Variants in PLA2R1 observed in about 807,000 individuals in gnomAD.
PLA2R1 encodes the protein secretory phospholipase A2 receptor.
In PLA2R1, 158 loss-of-function variants were observed where a neutral mutation model predicts 195.9. The ratio of observed to expected loss-of-function variants is 0.81; its 90% CI spans 0.71 to 0.92. The LOEUF is 0.92. Among genes scored for constraint, PLA2R1 ranks in the 40% least tolerant of loss-of-function variants. PLA2R1 has a pLI of 0.00. For missense variants in PLA2R1, 1,626 were observed against 1,764.6 expected, an observed-to-expected ratio of 0.92 and a Z score of 1.41; for synonymous variants, 586 against 598.2, an observed-to-expected ratio of 0.98 and a Z score of 0.30.
chr2:159,976,047 T>A (rs530796397), intron 17 of PLA2R1, 21 bp downstream of exon 17: 1 of 1,578,754 alleles, frequency 6.3e-7, no homozygotes, highest in South Asian at 1.1e-5. Context: ...GAATTTTTCG[T>A]GGTGAGTTAT....
chr2:160,008,135 C>T (rs1019813847), intron 10 of PLA2R1, among the ~76,000 whole-genome samples: 5 of 152,128 alleles, frequency 3.3e-5, no homozygotes, highest in African/African-American at 1.2e-4. Flanking sequence ...GATCCTGTCA[C>T]TACAAAACAT....
rs190045609 is a variant in PLA2R1 at position 159,976,751 on chromosome 2, A to T, written c.2402-31T>A. 66 of 1,589,740 alleles carry T rather than the reference A, an allele frequency of 4.2e-5. No homozygotes were observed. In the African/African-American group the frequency reaches 8.6e-4, roughly 21 times the overall value. On this transcript the variant is annotated intron_variant, in intron 15 of 29. Coordinates refer to ENST00000283243, the MANE Select transcript of PLA2R1 (RefSeq NM_007366.5). Reference sequence around the variant, plus strand: ...AAGTGAAAGCAAATCACTTTGACTGATCTTGCTTCTCAAGTGCATTGTCTG... The same window carrying T: ...AAGTGAAAGCAAATCACTTTGACTGTTCTTGCTTCTCAAGTGCATTGTCTG...
chr2:159,931,406 T>G (rs1333567830), downstream of PLA2R1, among the ~76,000 whole-genome samples: 1 of 152,154 alleles, frequency 6.6e-6, no homozygotes. Flanking sequence ...TGGTGGTATG[T>G]GCCTGCGGGC....
chr2:160,041,624 T>C (rs1321332905), intron 3 of PLA2R1, among the ~76,000 whole-genome samples: 2 of 151,962 alleles, frequency 1.3e-5, no homozygotes, highest in Non-Finnish European at 2.9e-5. Context: ...AGCAGCAGCC[T>C]GGATGTGGAG....
intron 11 of PLA2R1, among the ~76,000 whole-genome samples, chr2:159,993,199 T>C (rs1690952779): frequency 6.6e-6 from 1 of 152,108 alleles, no homozygotes; most frequent in South Asian, 2.1e-4. Flanking sequence ...TTCCATTTAA[T>C]CAGTGGCAAT....
intron 13 of PLA2R1, among the ~76,000 whole-genome samples, chr2:159,983,103 T>C (rs1451185108): frequency 1.3e-5 from 2 of 152,086 alleles, no homozygotes; most frequent in South Asian, 2.1e-4. Context: ...TATTTGAAAA[T>C]AGAGTAGATT....
intron 18 of PLA2R1, among the ~76,000 whole-genome samples, chr2:159,969,874 T>A (rs1313568211): frequency 6.6e-6 from 1 of 152,040 alleles, no homozygotes; most frequent in Non-Finnish European, 1.5e-5. Flanking sequence ...AGAGTTCTCA[T>A]CACAAAAATG....
intron 23 of PLA2R1, among the ~76,000 whole-genome samples, chr2:159,953,676 T>C (rs76675920): frequency 7.3e-5 from 11 of 151,340 alleles, no homozygotes; most frequent in African/African-American, 2.4e-4. Context: ...ACCACTATTC[T>C]GTACTATCTC....
Position 159,956,543 on chromosome 2 carries a change from TC to T in PLA2R1, c.2988del (p.Thr997ProfsTer16), listed in dbSNP as rs755922927. On this transcript the variant is annotated frameshift_variant, in exon 21 of 30. Transcript: ENST00000283243. LOFTEE classifies it high-confidence loss of function. ...HAQHFCAEEG[G>X]TLVAIESEVE... The stretch of plus-strand genomic sequence containing the variant: ...ACCTCACTTTCAATGGCGACCAGGG[TC>T]CCCCCTTCTTCAGCACAGAAATGTT... 2 of 1,612,774 alleles carry T rather than the reference TC, an allele frequency of 1.2e-6. No individual in the cohort carries two copies. Among genetic ancestry groups the T allele is most frequent in the South Asian group, 1.1e-5 (1 of 91,028 alleles).
chr2:159,944,946 C>A lies in PLA2R1; in HGVS notation c.4104G>T (p.Pro1368=). The change falls in exon 28 of 30, where the codon CCG becomes CCT. Residue 1368 remains proline, a synonymous_variant. Transcript: ENST00000283243. ...RIPEGLWQLS[P]CQEKKGFICK... is the part of the protein sequence containing the mutation. Reference sequence around the variant, plus strand: ...ATATAAAGCCTTTTTTTTCTTGACACGGGGATAGCTGCCATAATCCTTCAG... The same window carrying A: ...ATATAAAGCCTTTTTTTTCTTGACAAGGGGATAGCTGCCATAATCCTTCAG... 1.2e-6 allele frequency: 2 copies of A among 1,612,614 alleles called. No individual in the cohort carries two copies. The highest frequency in any genetic ancestry group is 1.7e-6 in the Non-Finnish European group (2 of 1,179,126).
intron 8 of PLA2R1, among the ~76,000 whole-genome samples, chr2:160,019,391 G>A (rs1222976259): frequency 2.0e-5 from 3 of 152,022 alleles, no homozygotes; most frequent in Non-Finnish European, 4.4e-5. Flanking sequence ...GCCAAAAGCC[G>A]ACCTCTCTCT....
intron 1 of PLA2R1, among the ~76,000 whole-genome samples, chr2:160,057,910 C>A (rs1695673443): frequency 2.0e-5 from 3 of 152,164 alleles, no homozygotes; most frequent in Admixed American, 6.5e-5. Flanking sequence ...GGGGTGAATG[C>A]CCCAGGAGTG....
chr2:160,037,285 T>G (rs6740901), intron 3 of PLA2R1, among the ~76,000 whole-genome samples: 1 of 152,106 alleles, frequency 6.6e-6, no homozygotes. Flanking sequence ...TGCTTAAAAC[T>G]CTTTTGATAG....
At chr2:160,025,588 C>CAAAAAGAAAAAAAAAAA (rs1693456539) in intron 6 of PLA2R1, among the ~76,000 whole-genome samples, 1 of 52,868 alleles carries the variant, frequency 1.9e-5, no homozygotes. Context: ...AACCATAAAG[C>CAAAAAGAAAAAAAAAAA]AAAAAAAAAA....
intron 1 of PLA2R1, among the ~76,000 whole-genome samples, chr2:160,047,605 T>C (rs1694952683): frequency 1.3e-5 from 2 of 152,212 alleles, no homozygotes; most frequent in Non-Finnish European, 2.9e-5. Flanking sequence ...GATAACAAAA[T>C]ATTTGCCTCC....
At chr2:160,055,022 A>G (rs1282837959) in intron 1 of PLA2R1, among the ~76,000 whole-genome samples, 2 of 152,206 alleles carry the variant, frequency 1.3e-5, no homozygotes, top group Non-Finnish European at 2.9e-5. Flanking sequence ...AGGTCAAAGA[A>G]GGGGAGCTGC....
At chr2:159,965,453 C>T (rs1388740405) in intron 20 of PLA2R1, among the ~76,000 whole-genome samples, 3 of 152,156 alleles carry the variant, frequency 2.0e-5, no homozygotes, top group Non-Finnish European at 2.9e-5. Flanking sequence ...TTTAAGTTTC[C>T]TCCATGTGTT....
Position 160,062,561 on chromosome 2 carries a change from C to G in PLA2R1, c.-158G>C, listed in dbSNP as rs1696043307. ...CCGGGGGCCTTGCCAGCCCAGAGCC[C>G]TGGAGACCCACTCCGCCACCGCTGT... On this transcript the variant is annotated 5_prime_UTR_variant, in exon 1 of 30. Coordinates refer to ENST00000283243, the MANE Select transcript of PLA2R1 (RefSeq NM_007366.5). 4 of 1,291,348 alleles carry G rather than the reference C, an allele frequency of 3.1e-6. No individual in the cohort carries two copies. The highest frequency in any genetic ancestry group is 6.3e-5 in the East Asian group (2 of 31,858). 80.0% of individuals were successfully genotyped at this position (1,291,348 alleles called of 1,614,324 possible). A position where few individuals can be genotyped will look rare whatever the true frequency, so the allele number is the denominator to read the frequency against.
chr2:160,045,624 C>T (rs577097360), intron 1 of PLA2R1, among the ~76,000 whole-genome samples: 2 of 152,356 alleles, frequency 1.3e-5, no homozygotes, highest in South Asian at 4.1e-4. Context: ...AACTCTCTAC[C>T]ATCAAGTTCC....
Sources: allele counts gnomAD v4.1 joint callset (sites outside exome capture counted in the v4.1 genomes callset), GRCh38; gene constraint gnomAD v4.1.1; transcripts MANE v1.5; gene names NCBI Gene and HGNC (gene_info 2026-07-23, HGNC 2026-07-21).